Variants in HAVCR1 observed in about 807,000 individuals in gnomAD.
HAVCR1 encodes hepatitis A virus cellular receptor 1.
HAVCR1 carries 34 observed loss-of-function variants against 32.0 expected under a neutral mutation model. The ratio of observed to expected loss-of-function variants is 1.06; its 90% CI spans 0.81 to 1.42. The LOEUF (loss-of-function observed/expected upper bound fraction) is 1.42. HAVCR1 is among the 40% of genes most tolerant of loss of function. The pLI is 0.00. For synonymous variants in HAVCR1, 178 were observed against 170.3 expected (o/e 1.05, Z -0.35); for missense variants, 420 against 442.3 (o/e 0.95, Z 0.45).
intron 4 of HAVCR1, among the ~76,000 whole-genome samples, chr5:157,051,912 A>C (rs1173847071): frequency 6.6e-6 from 1 of 152,230 alleles, no homozygotes; most frequent in Non-Finnish European, 1.5e-5. Flanking sequence ...AAAACAGTAA[A>C]TGTTAACTTC....
chr5:157,057,766 GCCATACAACGGTACCCAAAGAAC>G, intron 2 of HAVCR1, 109 bp downstream of exon 2: 1 of 700,374 alleles, frequency 1.4e-6, no homozygotes, highest in South Asian at 1.7e-5. Flanking sequence ...TTAACTCATA[GCCATACAACGGTACCCAAAGAAC>G]ATCTACATTA....
At chr5:157,060,905 T>TC (rs1756475510), upstream of HAVCR1, among the ~76,000 whole-genome samples, 1 of 151,484 alleles carries the variant, frequency 6.6e-6, no homozygotes, top group African/African-American at 2.4e-5. Flanking sequence ...TTTTTAATTT[T>TC]TTTTTTTTCC....
chr5:157,029,726 C>T lies in HAVCR1; in HGVS notation c.*7G>A. 1.9e-6 allele frequency: 3 copies of T among 1,613,080 alleles called. No homozygotes were observed. The highest frequency in any genetic ancestry group is 1.7e-5 in the Admixed American group (1 of 59,978). On this transcript the variant is annotated 3_prime_UTR_variant, in exon 9 of 9. Coordinates refer to ENST00000523175, the MANE Select transcript of HAVCR1 (RefSeq NM_001173393.3). ...GGGCGTAAACTCTCAAAGAGCACCA[C>T]TGGGTCTTAGTCCGTGGCATAAAGA... is the stretch of plus-strand genomic sequence containing the variant.
At chr5:157,040,180 C>T (rs1442813840) in intron 6 of HAVCR1, among the ~76,000 whole-genome samples, 4 of 148,920 alleles carry the variant, frequency 2.7e-5, no homozygotes, top group African/African-American at 9.7e-5. Flanking sequence ...TGCCTGTAAT[C>T]CCAGCTACTC....
At chr5:157,061,134 G>A (rs1243700945), upstream of HAVCR1, among the ~76,000 whole-genome samples, 1 of 152,106 alleles carries the variant, frequency 6.6e-6, no homozygotes. Context: ...CTGGCCTCAA[G>A]TGATACGCTC....
chr5:157,050,267 G>T (rs1755659995), intron 4 of HAVCR1, among the ~76,000 whole-genome samples: 1 of 152,210 alleles, frequency 6.6e-6, no homozygotes, highest in Non-Finnish European at 1.5e-5. Flanking sequence ...CACGTGGGCA[G>T]TCTGTACCCA....
intron 3 of HAVCR1, among the ~76,000 whole-genome samples, chr5:157,054,474 C>CA (rs1194373943): frequency 2.0e-5 from 3 of 152,084 alleles, no homozygotes; most frequent in Non-Finnish European, 4.4e-5. Flanking sequence ...CATTGCACTT[C>CA]AGCCTGGGCA....
rs140801641 is a variant in HAVCR1, at chr5:157,057,362, A to AAGAG, written c.46+532_46+535dup. Among the ~76,000 whole-genome samples, 99 of 130,030 alleles carry AAGAG rather than the reference A, an allele frequency of 7.6e-4. 4 individuals are homozygous for AAGAG. Among genetic ancestry groups the AAGAG allele is most frequent in the African/African-American group, 3.0e-3 (91 of 29,944 alleles). 85.3% of individuals were successfully genotyped at this position (130,030 alleles called of 152,430 possible). On this transcript the variant is annotated intron_variant, in intron 2 of 8. Coordinates refer to ENST00000523175, the MANE Select transcript of HAVCR1 (RefSeq NM_001173393.3). ...CTGCACTCCAGAGTGAGACCTCATG[A>AAGAG]AGAGAGAGAGAGAGAGAGAGAGAGG...
chr5:157,044,676 A>AGAAG lies in HAVCR1; in HGVS notation c.782-1995_782-1994insCTTC, dbSNP rs142603344. Among the ~76,000 whole-genome samples, 217 of 109,530 alleles carry AGAAG rather than the reference A, an allele frequency of 2.0e-3. 9 individuals are homozygous for AGAAG. Among genetic ancestry groups the AGAAG allele is most frequent in the African/African-American group, 6.6e-3 (210 of 31,864 alleles). The allele number at this position is 109,530 out of a possible 152,430, so 71.9% of individuals were successfully genotyped here. A position where few individuals can be genotyped will look rare whatever the true frequency, so the allele number is the denominator to read the frequency against. On this transcript the variant is annotated intron_variant, in intron 5 of 8. Coordinates refer to ENST00000523175, the MANE Select transcript of HAVCR1 (RefSeq NM_001173393.3). ...AAGAAAGAAAGAAAGAAAGAAAGAA[A>AGAAG]GGAGGGAGGGAGGAAGGAAGGAAGG...
At chr5:157,063,117 G>A (rs1356402519), upstream of HAVCR1, among the ~76,000 whole-genome samples, 12 of 124,090 alleles carry the variant, frequency 9.7e-5, no homozygotes, top group African/African-American at 3.6e-4. Flanking sequence ...GCGAGATTCT[G>A]TCTCAAAAAA....
chr5:157,044,635 AAGAAAGAAAGAAAGAAAG>A (rs1755233404), intron 5 of HAVCR1, among the ~76,000 whole-genome samples: 1 of 64,754 alleles, frequency 1.5e-5, no homozygotes, highest in African/African-American at 5.3e-5. Flanking sequence ...GAAAGAAAGA[AAGAAAGAAAGAAAGAAAG>A]AAAGAAAGAA....
rs187751319 is a variant in HAVCR1, at chr5:157,055,099, C to T, written c.379+102G>A. ...CCAAGAACAAGAGTTTATTTAAAAA[C>T]AGGACTTACGGGAACCTCCTCTTTC... is the stretch of plus-strand genomic sequence containing the variant. On this transcript the variant is annotated intron_variant, in intron 3 of 8. Coordinates refer to ENST00000523175, the MANE Select transcript of HAVCR1 (RefSeq NM_001173393.3). The T allele has an allele frequency of 1.6e-3, 1,022 of 626,564 alleles. 7 individuals are homozygous for T. The highest frequency in any genetic ancestry group is 2.3e-3 in the Non-Finnish European group (826 of 355,638). 38.8% of individuals were successfully genotyped at this position (626,564 alleles called of 1,614,324 possible).
chr5:157,037,641 C>A (rs531192765), intron 6 of HAVCR1, among the ~76,000 whole-genome samples: 1 of 152,242 alleles, frequency 6.6e-6, no homozygotes, highest in Admixed American at 6.5e-5. Flanking sequence ...AAACTGTATG[C>A]TTAAAATGGG....
At chr5:157,059,412 G>C (rs566435490), upstream of HAVCR1, among the ~76,000 whole-genome samples, 3 of 152,084 alleles carry the variant, frequency 2.0e-5, no homozygotes, top group Non-Finnish European at 4.4e-5. Context: ...ATGGTGGCTC[G>C]TGCCTGTAAC....
At chr5:157,046,856 T>A (rs1253276126) in intron 5 of HAVCR1, among the ~76,000 whole-genome samples, 3 of 152,172 alleles carry the variant, frequency 2.0e-5, no homozygotes, top group Non-Finnish European at 4.4e-5. Flanking sequence ...TTGATTCCAT[T>A]CATGAAGGCG....
At chr5:157,067,357 C>G in the HAVCR1 span, among the ~76,000 whole-genome samples, 1 of 152,196 alleles carries the variant, frequency 6.6e-6, no homozygotes. Flanking sequence ...CCCTATCACT[C>G]TAAGCTTCAC....
At chr5:157,061,178 G>A (rs1246364407), upstream of HAVCR1, among the ~76,000 whole-genome samples, 3 of 152,200 alleles carry the variant, frequency 2.0e-5, no homozygotes, top group East Asian at 5.8e-4. Flanking sequence ...AATTACAGGT[G>A]TGAGCCGCCA....
the HAVCR1 span, among the ~76,000 whole-genome samples, chr5:157,065,399 A>G: frequency 6.6e-6 from 1 of 152,238 alleles, no homozygotes; most frequent in Admixed American, 6.5e-5. Context: ...GCTAAGGACT[A>G]GGTCCTGGGG....
the HAVCR1 span, among the ~76,000 whole-genome samples, chr5:157,068,340 T>A: frequency 1.3e-5 from 2 of 152,112 alleles, no homozygotes; most frequent in East Asian, 3.9e-4. Flanking sequence ...GCCCAGCCCT[T>A]TGGGAGGCCG....
Sources: gnomAD v4.1 joint callset for allele counts (sites outside exome capture counted in the v4.1 genomes callset) on GRCh38, gnomAD v4.1.1 for gene constraint, MANE v1.5 for transcripts, NCBI Gene and HGNC (gene_info 2026-07-23, HGNC 2026-07-21) for gene names.